The following SPAG16 variants were observed in gnomAD, a reference collection of about 807,000 sequenced individuals.
SPAG16 encodes the protein sperm associated antigen 16.
A neutral mutation model predicts 80.4 loss-of-function variants in SPAG16; 86 were observed. That is an observed-to-expected ratio of 1.07 (90% CI 0.90 to 1.28). The LOEUF (loss-of-function observed/expected upper bound fraction) is 1.28, where lower values mean the gene tolerates loss of function less well. Ranked by LOEUF, SPAG16 falls within the 50% of genes most tolerant of loss-of-function variation. SPAG16 has a pLI of 0.00. For missense variants in SPAG16, 870 were observed against 765.3 expected (o/e 1.14, Z -1.61); for synonymous variants, 294 against 265.9 (o/e 1.11, Z -1.03).
chr2:213,910,492 T>TACTAGATCTACAAAACAATCA (rs1290950469), intron 11 of SPAG16, among the ~76,000 whole-genome samples: 1 of 82,894 alleles, frequency 1.2e-5, no homozygotes, highest in African/African-American at 3.2e-5. Context: ...AGAATTCTTT[T>TACTAGATCTACAAAACAATCA]TTTTTTTTTT....
intron 1 of SPAG16, among the ~76,000 whole-genome samples, chr2:213,286,781 T>C (rs1239501774): frequency 6.6e-6 from 1 of 152,220 alleles, no homozygotes; most frequent in Admixed American, 6.5e-5. Flanking sequence ...TTGAAAGAAG[T>C]TGACTTGAAT....
Position 213,847,589 on chromosome 2 carries a change from C to T in SPAG16, c.1071-14896C>T, listed in dbSNP as rs141910006. Among the ~76,000 whole-genome samples, 146 of 152,236 alleles carry T rather than the reference C, an allele frequency of 9.6e-4. 2 individuals carry two copies. In the East Asian group the frequency reaches 0.023, roughly 24 times the overall value. On this transcript the variant is annotated intron_variant, in intron 10 of 15. Transcript: ENST00000331683. ...TTCCTGATGGACCTAGCTCCGTGAT[C>T]CAAACACCCTACACCAGGCCCCACC... is the stretch of plus-strand genomic sequence containing the variant.
chr2:214,091,458 C>A (rs1246540871), intron 13 of SPAG16, among the ~76,000 whole-genome samples: 1 of 152,084 alleles, frequency 6.6e-6, no homozygotes, highest in Non-Finnish European at 1.5e-5. Context: ...TATGCTGGGT[C>A]TTTCTCAATG....
intron 5 of SPAG16, 27 bp downstream of exon 5, chr2:213,317,383 C>A: frequency 1.3e-6 from 2 of 1,590,318 alleles, no homozygotes; most frequent in Non-Finnish European, 1.7e-6. Context: ...ATGACATTTT[C>A]TTCTTTTTCT....
intron 10 of SPAG16, among the ~76,000 whole-genome samples, chr2:213,581,725 G>A (rs2060304434): frequency 6.6e-6 from 1 of 152,104 alleles, no homozygotes; most frequent in African/African-American, 2.4e-5. Context: ...ATTTGGTGAT[G>A]TTAAGCTGCA....
At chr2:213,723,909 C>G (rs113162029) in intron 10 of SPAG16, among the ~76,000 whole-genome samples, 5 of 152,278 alleles carry the variant, frequency 3.3e-5, no homozygotes, top group African/African-American at 1.2e-4. Context: ...CAGGAAGTGC[C>G]TCATCAGCAT....
At position 213,629,587 on chromosome 2, in the gene SPAG16, G is replaced by A. The variant is rs540113396; in HGVS notation, c.1070+139497G>A. Among the ~76,000 whole-genome samples the A allele has an allele frequency of 2.0e-5, 3 of 152,312 alleles. No individual in the cohort carries two copies. The South Asian group carries it at 6.2e-4, about 32-fold the overall frequency. On this transcript the variant is annotated intron_variant, in intron 10 of 15. Transcript: ENST00000331683. ...ATCTATTTCCCATCCTGAGGAATGA[G>A]TACAATTTGCACTCATGCTTCCTCA...
intron 14 of SPAG16, among the ~76,000 whole-genome samples, chr2:214,117,574 A>G (rs1486923233): frequency 1.3e-5 from 2 of 152,176 alleles, no homozygotes; most frequent in Non-Finnish European, 2.9e-5. Context: ...ATTGGCCACC[A>G]TTCCTGATGA....
intron 10 of SPAG16, among the ~76,000 whole-genome samples, chr2:213,592,423 C>T (rs1296634602): frequency 1.3e-5 from 2 of 152,020 alleles, no homozygotes; most frequent in African/African-American, 2.4e-5. Flanking sequence ...GAAGTATTTG[C>T]TTAAAAAAGA....
intron 6 of SPAG16, 87 bp downstream of exon 6, chr2:213,340,357 T>A: frequency 1.1e-6 from 1 of 934,250 alleles, no homozygotes; most frequent in Non-Finnish European, 1.6e-6. Context: ...TAGACAAAGT[T>A]ATTAATTCCA....
chr2:214,154,858 C>A (rs2056143653), intron 15 of SPAG16, among the ~76,000 whole-genome samples: 1 of 151,910 alleles, frequency 6.6e-6, no homozygotes, highest in Non-Finnish European at 1.5e-5. Flanking sequence ...TATTCCTAAC[C>A]TAAAACGATT....
intron 9 of SPAG16, among the ~76,000 whole-genome samples, chr2:213,380,655 G>A (rs7604356): frequency 0.9 from 137,032 of 152,218 alleles, 63,436 homozygotes; most frequent in East Asian, 1. Flanking sequence ...CAGTTTCCAC[G>A]AAGCCCAGTA....
intron 15 of SPAG16, among the ~76,000 whole-genome samples, chr2:214,319,137 C>T (rs1274289240): frequency 6.6e-6 from 1 of 150,868 alleles, no homozygotes; most frequent in African/African-American, 2.4e-5. Context: ...AAAAGGACTG[C>T]TCTACCTATG....
At chr2:214,032,151 A>G (rs2048447585) in intron 13 of SPAG16, among the ~76,000 whole-genome samples, 1 of 152,156 alleles carries the variant, frequency 6.6e-6, no homozygotes, top group South Asian at 2.1e-4. Context: ...ACTTCAAAGT[A>G]TTTGTCTTAG....
intron 15 of SPAG16, among the ~76,000 whole-genome samples, chr2:214,333,592 T>C (rs1010750740): frequency 6.6e-6 from 1 of 152,184 alleles, no homozygotes; most frequent in African/African-American, 2.4e-5. Flanking sequence ...CACCGGAACA[T>C]TTCTCAACAC....
intron 13 of SPAG16, among the ~76,000 whole-genome samples, chr2:214,054,757 ATT>A (rs1300680875): frequency 6.6e-6 from 1 of 152,116 alleles, no homozygotes; most frequent in Non-Finnish European, 1.5e-5. Flanking sequence ...CCAAAGATAT[ATT>A]TTTTGTTGCA....
intron 9 of SPAG16, among the ~76,000 whole-genome samples, chr2:213,437,765 T>C (rs1313930007): frequency 6.6e-6 from 1 of 152,230 alleles, no homozygotes; most frequent in Non-Finnish European, 1.5e-5. Flanking sequence ...TACTTTGGTA[T>C]CAAAGTGCTC....
intron 15 of SPAG16, among the ~76,000 whole-genome samples, chr2:214,188,224 A>G (rs1036098496): frequency 2.6e-5 from 4 of 152,162 alleles, no homozygotes; most frequent in African/African-American, 9.7e-5. Flanking sequence ...GGCATTGCCA[A>G]TAAAGGACTA....
chr2:213,980,760 T>A (rs866854658), intron 12 of SPAG16, among the ~76,000 whole-genome samples: 1,389 of 75,286 alleles, frequency 0.018, 7 homozygotes, highest in Middle Eastern at 0.05. Flanking sequence ...AGAGAGAGAG[T>A]AAGCTGGGTG....
Sources: allele counts gnomAD v4.1 joint callset (sites outside exome capture counted in the v4.1 genomes callset), GRCh38; gene constraint gnomAD v4.1.1; transcripts MANE v1.5; gene names NCBI Gene and HGNC (gene_info 2026-07-23, HGNC 2026-07-21).